SUGCT: variants seen among roughly 807,000 people sequenced by gnomAD.
SUGCT encodes succinyl-CoA:glutarate CoA-transferase.
Under a neutral mutation model 55.0 loss-of-function variants are expected in SUGCT, and 41 were observed. That is an observed-to-expected ratio of 0.74 (90% CI 0.58 to 0.97). SUGCT has a LOEUF of 0.97. Ranked by LOEUF, SUGCT falls within the 50% of genes least tolerant of loss-of-function variation. The pLI, the probability that SUGCT is intolerant of heterozygous loss-of-function variation, is 0.00. For missense variants in SUGCT, 568 were observed against 547.8 expected, an observed-to-expected ratio of 1.04 and a Z score of -0.37; for synonymous variants, 187 against 200.4, an observed-to-expected ratio of 0.93 and a Z score of 0.56.
chr7:40,676,894 CGTGT>C (rs3221667), intron 12 of SUGCT, among the ~76,000 whole-genome samples: 17,435 of 143,836 alleles, frequency 0.12, 1,123 homozygotes, highest in African/African-American at 0.19. Context: ...TTCAGAATGA[CGTGT>C]GTGTGTGTGT....
At chr7:40,224,248 A>G (rs1788197714) in intron 6 of SUGCT, among the ~76,000 whole-genome samples, 1 of 152,186 alleles carries the variant, frequency 6.6e-6, no homozygotes, top group Admixed American at 6.5e-5. Flanking sequence ...CTAATTGCTG[A>G]CATAGTTTCT....
chr7:40,954,442 G>A, the SUGCT span, among the ~76,000 whole-genome samples: 1 of 152,172 alleles, frequency 6.6e-6, no homozygotes, highest in Admixed American at 6.6e-5. Context: ...CATGCTCAGT[G>A]TGCTGCACCC....
At chr7:40,359,406 T>C (rs2151217815) in intron 9 of SUGCT, among the ~76,000 whole-genome samples, 1 of 152,274 alleles carries the variant, frequency 6.6e-6, no homozygotes. Context: ...GATTTCATCA[T>C]GTTGGTCAGG....
the SUGCT span, among the ~76,000 whole-genome samples, chr7:40,977,088 A>T: frequency 6.6e-6 from 1 of 152,210 alleles, no homozygotes. Flanking sequence ...CAATGTTTTC[A>T]CCTTCTGTAC....
At chr7:40,852,035 A>C (rs1414915874) in intron 13 of SUGCT, among the ~76,000 whole-genome samples, 1 of 152,216 alleles carries the variant, frequency 6.6e-6, no homozygotes, top group Non-Finnish European at 1.5e-5. Flanking sequence ...CATGCTGGCC[A>C]AAACTCTTCC....
At chr7:40,572,403 G>A (rs2151691121) in intron 12 of SUGCT, among the ~76,000 whole-genome samples, 1 of 152,188 alleles carries the variant, frequency 6.6e-6, no homozygotes, top group Admixed American at 6.5e-5. Context: ...GCTCTCAGGT[G>A]GCTCGTGTTC....
intron 9 of SUGCT, among the ~76,000 whole-genome samples, chr7:40,397,413 A>G (rs1785797625): frequency 6.6e-6 from 1 of 152,044 alleles, no homozygotes; most frequent in Non-Finnish European, 1.5e-5. Flanking sequence ...TACCTCTCTT[A>G]TGGCACTTAG....
chr7:40,207,275 A>G (rs1787027327), intron 6 of SUGCT, among the ~76,000 whole-genome samples: 2 of 152,136 alleles, frequency 1.3e-5, no homozygotes, highest in African/African-American at 2.4e-5. Context: ...CATTGCTTCA[A>G]AGAAGACATA....
intron 13 of SUGCT, among the ~76,000 whole-genome samples, chr7:40,853,076 CA>C (rs60985337): frequency 0.014 from 1,306 of 95,004 alleles, 7 homozygotes; most frequent in African/African-American, 0.033. Context: ...CACAACACTT[CA>C]AAAAAAAAAA....
intron 12 of SUGCT, among the ~76,000 whole-genome samples, chr7:40,666,419 GTTTTTTTTTTTT>G (rs70990637): frequency 1.0e-3 from 72 of 72,236 alleles, no homozygotes; most frequent in Admixed American, 2.3e-3. Flanking sequence ...TTATAGGTTA[GTTTTTTTTTTTT>G]TTTTTTTTTT....
intron 2 of SUGCT, among the ~76,000 whole-genome samples, chr7:40,181,352 C>T (rs1015679479): frequency 6.6e-6 from 1 of 151,670 alleles, no homozygotes; most frequent in Non-Finnish European, 1.5e-5. Flanking sequence ...CACATAATTA[C>T]TTAATCATCC....
At chr7:40,965,580 A>C in the SUGCT span, 10 of 152,246 alleles carry the variant, frequency 6.6e-5, no homozygotes, top group Non-Finnish European at 1.5e-4. Context: ...TTATGAATTC[A>C]TATTAATCGA....
intron 12 of SUGCT, among the ~76,000 whole-genome samples, chr7:40,507,811 A>G (rs2151544281): frequency 6.6e-6 from 1 of 152,332 alleles, no homozygotes; most frequent in Admixed American, 6.5e-5. Context: ...CCTTCTTGGT[A>G]AAGCCGAACA....
chr7:40,385,907 A>G (rs1319394335), intron 9 of SUGCT, among the ~76,000 whole-genome samples: 1 of 152,246 alleles, frequency 6.6e-6, no homozygotes, highest in Non-Finnish European at 1.5e-5. Context: ...TTGTTGTGAC[A>G]TGTAACAATT....
At chr7:40,442,458 T>C (rs932536954) in intron 9 of SUGCT, among the ~76,000 whole-genome samples, 1 of 152,160 alleles carries the variant, frequency 6.6e-6, no homozygotes, top group Non-Finnish European at 1.5e-5. Flanking sequence ...AGTTGCTTCT[T>C]CTGGGTGATG....
intron 12 of SUGCT, among the ~76,000 whole-genome samples, chr7:40,506,345 T>G (rs544959740): frequency 2.3e-4 from 35 of 152,270 alleles, no homozygotes; most frequent in Admixed American, 1.4e-3. Flanking sequence ...CCATTGTGTT[T>G]GATAATAAGT....
intron 9 of SUGCT, among the ~76,000 whole-genome samples, chr7:40,350,277 CTTATTTATTTATTTATTTATTTATTTAT>C (rs202108546): frequency 1.5e-5 from 2 of 137,120 alleles, no homozygotes; most frequent in South Asian, 2.4e-4. Flanking sequence ...ATTACTATAT[CTTATTTATTTATTTATTTATTTATTTAT>C]TTATTTATTT....
At chr7:40,911,357 ATCT>A in the SUGCT span, among the ~76,000 whole-genome samples, 41 of 152,164 alleles carry the variant, frequency 2.7e-4, no homozygotes, top group Non-Finnish European at 4.7e-4. Context: ...TTATTTTAAA[ATCT>A]TCTATGTGAG....
the SUGCT span, among the ~76,000 whole-genome samples, chr7:40,868,208 C>A: frequency 3.9e-5 from 6 of 152,040 alleles, no homozygotes; most frequent in African/African-American, 1.4e-4. Context: ...AAAAACAAAA[C>A]AAAAATACGG....
Sources: gnomAD v4.1 joint callset for allele counts (sites outside exome capture counted in the v4.1 genomes callset) on GRCh38, gnomAD v4.1.1 for gene constraint, MANE v1.5 for transcripts, NCBI Gene and HGNC (gene_info 2026-07-23, HGNC 2026-07-21) for gene names.